Variants in GATC observed in about 807,000 individuals in gnomAD.
The protein encoded by GATC is glutamyl-tRNA amidotransferase subunit C, also known as glutamyl-tRNA(Gln) amidotransferase subunit C, mitochondrial.
In GATC, 11 loss-of-function variants were observed where a neutral mutation model predicts 14.4. That is an observed-to-expected ratio of 0.77 (90% CI 0.48 to 1.27). GATC has a LOEUF of 1.27. Ranked by LOEUF, GATC falls within the 50% of genes most tolerant of loss-of-function variation. The pLI is 0.00. For missense variants in GATC, 204 were observed against 183.0 expected, an observed-to-expected ratio of 1.11 and a Z score of -0.66; for synonymous variants, 76 against 79.3, an observed-to-expected ratio of 0.96 and a Z score of 0.22.
chr12:120,463,071 A>T lies in GATC; in HGVS notation c.*3112A>T, dbSNP rs1428020411. The T allele has an allele frequency of 6.6e-6, 1 of 152,242 alleles. No individual in the cohort carries two copies. The highest frequency in any genetic ancestry group is 1.5e-5 in the Non-Finnish European group (1 of 68,048). 9.4% of individuals were successfully genotyped at this position (152,242 alleles called of 1,614,324 possible). On this transcript the variant is annotated 3_prime_UTR_variant, in exon 4 of 4. Coordinates refer to ENST00000551765, the MANE Select transcript of GATC (RefSeq NM_176818.3). ...ATGAGCCCAGAGACCTGTGTCCCCA[A>T]ACATCCGTAAATCTCATAGTAAGGC...
chr12:120,452,013 A>C (rs1252822474), intron 2 of GATC, among the ~76,000 whole-genome samples: 1 of 149,580 alleles, frequency 6.7e-6, no homozygotes, highest in Non-Finnish European at 1.5e-5. Flanking sequence ...AGTAGCTGGG[A>C]CTACAGGTGC....
intron 3 of GATC, among the ~76,000 whole-genome samples, chr12:120,458,165 C>T (rs958654393): frequency 6.6e-6 from 1 of 150,398 alleles, no homozygotes; most frequent in Non-Finnish European, 1.5e-5. Context: ...TCTTGACTCA[C>T]TGCAACCTCT....
chr12:120,459,471 G>A (rs527789507), intron 3 of GATC, among the ~76,000 whole-genome samples: 4 of 152,294 alleles, frequency 2.6e-5, no homozygotes, highest in South Asian at 4.1e-4. Flanking sequence ...TAGGAAAACA[G>A]GACAGTAGCT....
In GATC at chr12:120,461,789, G is replaced by A. The variant is rs1878347284; in HGVS notation, c.*1830G>A. The A allele has an allele frequency of 2.5e-6, 1 of 392,660 alleles. No individual in the cohort carries two copies. The highest frequency in any genetic ancestry group is 4.5e-5 in the East Asian group (1 of 22,116). 24.3% of individuals were successfully genotyped at this position (392,660 alleles called of 1,614,324 possible). On this transcript the variant is annotated 3_prime_UTR_variant, in exon 4 of 4. Transcript: ENST00000551765. Reference sequence around the variant, plus strand: ...GAACTGATTTTTTTCCCATAATCAGGGGTGAAAAATATACAACTTGTTTCT... The same window carrying A: ...GAACTGATTTTTTTCCCATAATCAGAGGTGAAAAATATACAACTTGTTTCT...
At chr12:120,452,804 C>A (rs1055670268) in intron 2 of GATC, among the ~76,000 whole-genome samples, 3 of 152,084 alleles carry the variant, frequency 2.0e-5, no homozygotes, top group Non-Finnish European at 4.4e-5. Flanking sequence ...AAGTGATCCT[C>A]CCACCTCAGC....
chr12:120,450,387 A>T (rs1425955298), intron 2 of GATC: 1 of 152,092 alleles, frequency 6.6e-6, no homozygotes, highest in Admixed American at 6.6e-5. Flanking sequence ...TTTATTTTTT[A>T]TTTTTTTGTA....
At chr12:120,446,912 A>G in intron 2 of GATC, 83 bp downstream of exon 2, 3 of 1,358,530 alleles carry the variant, frequency 2.2e-6, no homozygotes, top group Non-Finnish European at 3.0e-6. Context: ...ACAGTTTTCC[A>G]GGGGGTTAAA....
intron 2 of GATC, among the ~76,000 whole-genome samples, chr12:120,455,279 C>T (rs1447012708): frequency 6.6e-6 from 1 of 151,848 alleles, no homozygotes; most frequent in African/African-American, 2.4e-5. Flanking sequence ...GGCGATTCTC[C>T]CGCCTCAGCC....
rs1878372090 is a variant in GATC, at chr12:120,462,424, TACTC to T, written c.*2467_*2470del. ...AATAAATGCCAATTTGACATGTTGA[TACTC>T]AATTAACTATGATAAACAATATATC... On this transcript the variant is annotated 3_prime_UTR_variant, in exon 4 of 4. Transcript: ENST00000551765. The T allele has an allele frequency of 8.9e-6, 3 of 337,798 alleles. No individual in the cohort carries two copies. The highest frequency in any genetic ancestry group is 1.0e-4 in the South Asian group (2 of 19,862). The allele number at this position is 337,798 out of a possible 1,614,324, so 20.9% of individuals were successfully genotyped here. A position where few individuals can be genotyped will look rare whatever the true frequency, so the allele number is the denominator to read the frequency against.
At chr12:120,453,909 A>T (rs866245193) in intron 2 of GATC, among the ~76,000 whole-genome samples, 1 of 151,468 alleles carries the variant, frequency 6.6e-6, no homozygotes, top group South Asian at 2.1e-4. Context: ...ATCATAACCA[A>T]TAACTAAATA....
intron 2 of GATC, among the ~76,000 whole-genome samples, chr12:120,451,883 T>TTTTTCTTTTTTTC (rs973297867): frequency 3.1e-5 from 4 of 128,570 alleles, no homozygotes; most frequent in African/African-American, 1.2e-4. Flanking sequence ...TTCTTTTTTT[T>TTTTTCTTTTTTTC]TTTTTTTTTT....
intron 2 of GATC, among the ~76,000 whole-genome samples, chr12:120,455,371 G>A (rs1312014808): frequency 1.3e-5 from 2 of 151,782 alleles, no homozygotes; most frequent in African/African-American, 2.4e-5. Flanking sequence ...GTTTCCCCAC[G>A]TTGCCCAGGC....
chr12:120,454,013 C>A, intron 2 of GATC, among the ~76,000 whole-genome samples: 1 of 152,212 alleles, frequency 6.6e-6, no homozygotes. Context: ...ACGCAGGAAA[C>A]TTAATTATGA....
At position 120,460,320 on chromosome 12, in the gene GATC, C is replaced by G. The variant is rs1878300449; in HGVS notation, c.*361C>G. 5.8e-6 allele frequency: 1 copy of G among 171,572 alleles called. No individual in the cohort carries two copies. 10.6% of individuals were successfully genotyped at this position (171,572 alleles called of 1,614,324 possible). The stretch of plus-strand genomic sequence containing the variant: ...TCTACGTAACTGGTAGACGGAGCAT[C>G]TTGATCACTATGTGACAACCTTGGC... On this transcript the variant is annotated 3_prime_UTR_variant, in exon 4 of 4. Transcript: ENST00000551765.
At position 120,463,255 on chromosome 12, in the gene GATC, C is replaced by T. The variant is rs946400195; in HGVS notation, c.*3296C>T. 1 of 152,124 alleles carries T rather than the reference C, an allele frequency of 6.6e-6. No individual in the cohort carries two copies. The highest frequency in any genetic ancestry group is 1.5e-5 in the Non-Finnish European group (1 of 68,032). 9.4% of individuals were successfully genotyped at this position (152,124 alleles called of 1,614,324 possible). A position where few individuals can be genotyped will look rare whatever the true frequency, so the allele number is the denominator to read the frequency against. ...AAGAACTACTGAGTCTGAAGGGTGA[C>T]ATAATCAACCACAAGAAAATGTTAC... On this transcript the variant is annotated 3_prime_UTR_variant, in exon 4 of 4. Coordinates refer to ENST00000551765, the MANE Select transcript of GATC (RefSeq NM_176818.3).
At chr12:120,448,957 GTTCTT>G (rs932120781) in intron 2 of GATC, among the ~76,000 whole-genome samples, 2 of 139,276 alleles carry the variant, frequency 1.4e-5, no homozygotes, top group African/African-American at 5.2e-5. Context: ...TTATACTTAG[GTTCTT>G]TTTTTTTTTT....
chr12:120,458,284 T>G (rs1878239800), intron 3 of GATC, among the ~76,000 whole-genome samples: 1 of 151,842 alleles, frequency 6.6e-6, no homozygotes, highest in South Asian at 2.1e-4. Flanking sequence ...AGAGGCAGGA[T>G]TTCACCATCT....
At chr12:120,451,388 C>G (rs1047149447) in intron 2 of GATC, among the ~76,000 whole-genome samples, 7 of 148,316 alleles carry the variant, frequency 4.7e-5, no homozygotes, top group Non-Finnish European at 9.0e-5. Context: ...AGGTTGCAGT[C>G]AGCCAAGATG....
At chr12:120,446,615 G>C (rs374613537) in intron 1 of GATC, 42 bp from the exon 2 acceptor site, 3 of 1,592,608 alleles carry the variant, frequency 1.9e-6, no homozygotes, top group Non-Finnish European at 2.6e-6. Flanking sequence ...AGGCACTTCG[G>C]AGCGCCGGTG....
Sources: gnomAD v4.1 joint callset for allele counts (sites outside exome capture counted in the v4.1 genomes callset) on GRCh38, gnomAD v4.1.1 for gene constraint, MANE v1.5 for transcripts, NCBI Gene and HGNC (gene_info 2026-07-23, HGNC 2026-07-21) for gene names.